ANKRD23: variants seen among roughly 807,000 people sequenced by gnomAD.
ANKRD23 encodes the protein ankyrin repeat domain 23.
ANKRD23 carries 52 observed loss-of-function variants against 38.1 expected under a neutral mutation model. The observed-to-expected ratio is 1.36, with a 90% confidence interval of 1.09 to 1.72. The LOEUF (loss-of-function observed/expected upper bound fraction) is 1.72, where lower values mean the gene tolerates loss of function less well. Ranked by LOEUF, ANKRD23 falls within the 40% of genes most tolerant of loss-of-function variation. ANKRD23 has a pLI of 0.00. For missense variants in ANKRD23, 416 were observed against 400.2 expected (o/e 1.04, Z -0.34); for synonymous variants, 167 against 162.9 (o/e 1.03, Z -0.19).
chr2:96,840,675 T>C, intron 4 of ANKRD23, 112 bp downstream of exon 4: 1 of 1,543,280 alleles, frequency 6.5e-7, no homozygotes, highest in Admixed American at 1.8e-5. Context: ...ACTGGATTCA[T>C]GCCCATAAGA....
intron 3 of ANKRD23, 152 bp downstream of exon 3, chr2:96,841,908 G>C: frequency 9.0e-7 from 1 of 1,116,082 alleles, no homozygotes; most frequent in Non-Finnish European, 1.3e-6. Flanking sequence ...AGCCCTGGCG[G>C]ACACATCCGC....
Position 96,838,620 on chromosome 2 carries a change from G to C in ANKRD23, c.*929C>G. 7 of 985,618 alleles carry C rather than the reference G, an allele frequency of 7.1e-6. 1 individual carries two copies. In the South Asian group the frequency reaches 1.4e-4, roughly 20 times the overall value. The allele number at this position is 985,618 out of a possible 1,614,324, so 61.1% of individuals were successfully genotyped here. ...GCAAGAGCTCAAGCTCCAGTACCAG[G>C]AACATAAGGGGACATAAGGGCCTCA... is the stretch of plus-strand genomic sequence containing the variant. On this transcript the variant is annotated 3_prime_UTR_variant, in exon 9 of 9. Transcript: ENST00000318357.
Position 96,839,243 on chromosome 2 carries a change from C to A in ANKRD23, c.*306G>T. 3.5e-6 allele frequency: 4 copies of A among 1,143,162 alleles called. No individual in the cohort carries two copies. The highest frequency in any genetic ancestry group is 4.3e-6 in the Non-Finnish European group (4 of 931,690). The allele number at this position is 1,143,162 out of a possible 1,614,324, so 70.8% of individuals were successfully genotyped here. ...TGGGACTGCTCCCTTAAGGCTCGTT[C>A]TTGGCCCTCACTCTCCTCCCCTTCC... On this transcript the variant is annotated 3_prime_UTR_variant, in exon 9 of 9. Coordinates refer to ENST00000318357, the MANE Select transcript of ANKRD23 (RefSeq NM_144994.8).
intron 1 of ANKRD23, 35 bp from the exon 2 acceptor site, chr2:96,842,546 A>T (rs748427289): frequency 6.3e-7 from 1 of 1,584,394 alleles, no homozygotes; most frequent in South Asian, 1.2e-5. Context: ...GAGTTGGGAA[A>T]ATTGGAGGAA....
In ANKRD23 at chr2:96,839,981, C is replaced by T. The variant is rs1021687919; in HGVS notation, c.723+16G>A. ...TGGAGCTGTCCGAGCCGGAAAAGACCAAGCGCCTGCCTTACCTTATCCTGT... is the reference window on the plus strand; with the variant it reads ...TGGAGCTGTCCGAGCCGGAAAAGACTAAGCGCCTGCCTTACCTTATCCTGT... On this transcript the variant is annotated intron_variant, in intron 7 of 8. Coordinates refer to ENST00000318357, the MANE Select transcript of ANKRD23 (RefSeq NM_144994.8). 1 of 1,552,298 alleles carries T rather than the reference C, an allele frequency of 6.4e-7. No homozygotes were observed. The highest frequency in any genetic ancestry group is 8.7e-7 in the Non-Finnish European group (1 of 1,147,310).
At chr2:96,839,873 C>G in intron 7 of ANKRD23, 48 bp from the exon 8 acceptor site, 1 of 1,576,282 alleles carries the variant, frequency 6.3e-7, no homozygotes, top group South Asian at 1.2e-5. Context: ...GTGCTGCCCT[C>G]CTCATGCAGG....
intron 1 of ANKRD23, among the ~76,000 whole-genome samples, chr2:96,843,693 G>A (rs759941346): frequency 1.3e-4 from 20 of 152,114 alleles, no homozygotes; most frequent in Non-Finnish European, 2.5e-4. Context: ...AGAACCGCAC[G>A]CTCAGCCGGG....
chr2:96,843,073 A>C (rs775363576), intron 1 of ANKRD23, among the ~76,000 whole-genome samples: 1 of 152,202 alleles, frequency 6.6e-6, no homozygotes, highest in Non-Finnish European at 1.5e-5. Flanking sequence ...CCTGGGGCAA[A>C]GCCTCCGTAG....
chr2:96,840,806 T>TC lies in ANKRD23; in HGVS notation c.406dup (p.Asp136GlyfsTer6). 6.2e-7 allele frequency: 1 copy of TC among 1,614,136 alleles called. No homozygotes were observed. Among genetic ancestry groups the TC allele is most frequent in the South Asian group, 1.1e-5 (1 of 91,080 alleles). On this transcript the variant is annotated frameshift_variant, in exon 4 of 9. Transcript: ENST00000318357. LOFTEE classifies it high-confidence loss of function. ...TGCTACCTTGTCATGGGCATTGGGG[T>TC]CCCCTCCGTCTGTCAAGTACTTGTC... is the stretch of plus-strand genomic sequence containing the variant.
intron 6 of ANKRD23, 31 bp downstream of exon 6, chr2:96,840,201 C>T (rs774109767): frequency 2.7e-5 from 43 of 1,595,406 alleles, no homozygotes; most frequent in Non-Finnish European, 3.6e-5. Context: ...CCCGTGTTCC[C>T]GACAGGCCCC....
In ANKRD23 at chr2:96,840,097, T is replaced by G. The variant is rs765031163; in HGVS notation, c.625-2A>C. Reference sequence around the variant, plus strand: ...CACGTGCAGGGGGGTGCTCCCGATCTGAGAGCAAGTGGGGGTCAGTGCTGG... The same window carrying G: ...CACGTGCAGGGGGGTGCTCCCGATCGGAGAGCAAGTGGGGGTCAGTGCTGG... On this transcript the variant is annotated splice_acceptor_variant, in intron 6 of 8. Transcript: ENST00000318357. LOFTEE classifies it high-confidence loss of function. The G allele has an allele frequency of 5.8e-6, 9 of 1,553,342 alleles. No individual in the cohort carries two copies. The highest frequency in any genetic ancestry group is 7.8e-6 in the Non-Finnish European group (9 of 1,147,770).
intron 1 of ANKRD23, 127 bp downstream of exon 1, chr2:96,843,839 C>A: frequency 1.1e-6 from 1 of 875,840 alleles, no homozygotes. Context: ...TATAAAAGAA[C>A]TGCATGCTTC....
In ANKRD23 at chr2:96,840,442, C is replaced by G. The variant is rs984296295; in HGVS notation, c.499G>C (p.Gly167Arg). Residue 167 changes from glycine (G) to arginine (R), a missense_variant, in exon 5 of 9, where the codon GGT (glycine) becomes CGT (arginine). Gly to Arg is a moderately radical substitution (Grantham distance 125). Transcript: ENST00000318357. ...SQLVNKLLVA[G>R]ATVDARDLLD... ...AAGTCTCGCGCGTCCACTGTGGCAC[C>G]TGCCACCAGCAGCTTGTTCACCAGC... 1.5e-5 allele frequency: 25 copies of G among 1,614,114 alleles called. No individual in the cohort carries two copies. The highest frequency in any genetic ancestry group is 2.1e-5 in the Non-Finnish European group (25 of 1,180,024).
Position 96,840,915 on chromosome 2 carries a change from G to C in ANKRD23, c.301-3C>G. ...TCCACCTGGGCCTGGGACTGCGGCT[G>C]GTTCAGTTGAAGACAAGACCAAATC... On this transcript the variant is annotated splice_polypyrimidine_tract_variant and splice_region_variant and intron_variant, in intron 3 of 8. Transcript: ENST00000318357. The C allele has an allele frequency of 1.2e-6, 2 of 1,613,612 alleles. No individual in the cohort carries two copies. Among genetic ancestry groups the C allele is most frequent in the Non-Finnish European group, 1.7e-6 (2 of 1,179,832 alleles).
At position 96,842,512 on chromosome 2, in the gene ANKRD23, C is replaced by G. The variant is rs766585251; in HGVS notation, c.28-1G>C. The G allele has an allele frequency of 6.2e-7, 1 of 1,612,808 alleles. No individual in the cohort carries two copies. The highest frequency in any genetic ancestry group is 2.2e-5 in the East Asian group (1 of 44,892). ...TCCCTTCAACTCTTTCTCCACTTAC[C>G]TGTAGGAACAGGATATGAGTACTGA... On this transcript the variant is annotated splice_acceptor_variant, in intron 1 of 8. Coordinates refer to ENST00000318357, the MANE Select transcript of ANKRD23 (RefSeq NM_144994.8). LOFTEE classifies it high-confidence loss of function.
Position 96,840,425 on chromosome 2 carries a change from C to T in ANKRD23, c.516G>A (p.Ala172=), listed in dbSNP as rs759102995. Residue 172 remains alanine (A), a synonymous_variant, in exon 5 of 9, where the codon GCG becomes GCA. Coordinates refer to ENST00000318357, the MANE Select transcript of ANKRD23 (RefSeq NM_144994.8). ...CTTTCCCCATCCTCACCAAGTCTCG[C>T]GCGTCCACTGTGGCACCTGCCACCA... ...KLLVAGATVD[A]RDLLDRTPVF... 9.9e-6 allele frequency: 16 copies of T among 1,613,908 alleles called. No individual in the cohort carries two copies. Among genetic ancestry groups the T allele is most frequent in the South Asian group, 2.2e-5 (2 of 91,060 alleles).
intron 7 of ANKRD23, 39 bp downstream of exon 7, chr2:96,839,958 G>T (rs2079739857): frequency 6.4e-7 from 1 of 1,551,006 alleles, no homozygotes; most frequent in Non-Finnish European, 8.7e-7. Context: ...TGCTCCTCTG[G>T]AGCTGTCCGA....
Position 96,838,593 on chromosome 2 carries a change from A to G in ANKRD23, c.*956T>C, listed in dbSNP as rs988443718. 1.6e-5 allele frequency: 16 copies of G among 985,590 alleles called. No individual in the cohort carries two copies. Among genetic ancestry groups the G allele is most frequent in the Admixed American group, 6.1e-5 (1 of 16,266 alleles). The allele number at this position is 985,590 out of a possible 1,614,324, so 61.1% of individuals were successfully genotyped here. A position where few individuals can be genotyped will look rare whatever the true frequency, so the allele number is the denominator to read the frequency against. ...AGGGTGGGTGCAGCTGCAGCGTTCC[A>G]GGCAAGAGCTCAAGCTCCAGTACCA... On this transcript the variant is annotated 3_prime_UTR_variant, in exon 9 of 9. Coordinates refer to ENST00000318357, the MANE Select transcript of ANKRD23 (RefSeq NM_144994.8).
In ANKRD23 at chr2:96,838,798, C is replaced by T; in HGVS notation, c.*751G>A. On this transcript the variant is annotated 3_prime_UTR_variant, in exon 9 of 9. Coordinates refer to ENST00000318357, the MANE Select transcript of ANKRD23 (RefSeq NM_144994.8). ...AGTACACAGTGGGTGCGAGGCTTCT[C>T]TCAAATGCGCGCTCCAGCTCATCAG... The T allele has an allele frequency of 1.0e-6, 1 of 985,540 alleles. No homozygotes were observed. The highest frequency in any genetic ancestry group is 1.2e-6 in the Non-Finnish European group (1 of 829,990). 61.0% of individuals were successfully genotyped at this position (985,540 alleles called of 1,614,324 possible). A position where few individuals can be genotyped will look rare whatever the true frequency, so the allele number is the denominator to read the frequency against.
Sources: allele counts gnomAD v4.1 joint callset (sites outside exome capture counted in the v4.1 genomes callset), GRCh38; gene constraint gnomAD v4.1.1; transcripts MANE v1.5; gene names NCBI Gene and HGNC (gene_info 2026-07-23, HGNC 2026-07-21).